PRKCH: variants seen among roughly 807,000 people sequenced by gnomAD.
PRKCH encodes the protein protein kinase C eta.
PRKCH carries 28 observed loss-of-function variants against 82.5 expected under a neutral mutation model. That is an observed-to-expected ratio of 0.34 (90% confidence interval 0.25 to 0.47). The LOEUF (loss-of-function observed/expected upper bound fraction) is 0.47, where lower values mean the gene tolerates loss of function less well. PRKCH is among the 20% of genes least tolerant of loss of function. The pLI, the probability that PRKCH is intolerant of heterozygous loss-of-function variation, is 1.00. For missense variants in PRKCH, 705 were observed against 881.8 expected (o/e 0.80, Z 2.54); for synonymous variants, 322 against 327.4 (o/e 0.98, Z 0.18).
chr14:61,409,575 C>G (rs1251473715), intron 2 of PRKCH, among the ~76,000 whole-genome samples: 1 of 151,598 alleles, frequency 6.6e-6, no homozygotes, highest in Non-Finnish European at 1.5e-5. Context: ...GTGGTGTGCA[C>G]CTGTATTCCC....
intron 1 of PRKCH, among the ~76,000 whole-genome samples, chr14:61,254,998 T>C (rs2044985370): frequency 2.6e-5 from 4 of 152,196 alleles, no homozygotes; most frequent in Admixed American, 1.3e-4. Flanking sequence ...ATCCCCTGCC[T>C]GGGAAAGCTG....
intron 1 of PRKCH, among the ~76,000 whole-genome samples, chr14:61,201,547 T>C (rs1416648521): frequency 6.6e-6 from 1 of 152,140 alleles, no homozygotes; most frequent in African/African-American, 2.4e-5. Flanking sequence ...ATAAACATTA[T>C]CAACCTTGAT....
chr14:61,509,740 TAAATAA>T (rs1887295653), intron 10 of PRKCH, among the ~76,000 whole-genome samples: 1 of 151,492 alleles, frequency 6.6e-6, no homozygotes, highest in African/African-American at 2.4e-5. Context: ...CAAAAATAAA[TAAATAA>T]AAATAAAATA....
At chr14:61,425,499 C>T (rs1453653869) in intron 2 of PRKCH, among the ~76,000 whole-genome samples, 1 of 152,158 alleles carries the variant, frequency 6.6e-6, no homozygotes, top group Non-Finnish European at 1.5e-5. Flanking sequence ...TTTGTTTTGG[C>T]CAATTTATCC....
Position 61,549,778 on chromosome 14 carries a change from A to C in PRKCH, c.1999A>C (p.Asn667His). Residue 667 changes from asparagine (N) to histidine (H), a missense_variant, in exon 14 of 14, where the codon AAC (asparagine) becomes CAC (histidine). Asn to His is a moderately conservative substitution (Grantham distance 68). Coordinates refer to ENST00000332981, the MANE Select transcript of PRKCH (RefSeq NM_006255.5). ...TGATGAGGGACATCTTCCAATGATT[A>C]ACCAGGATGAGTTTAGAAACTTTTC... The part of the protein sequence containing the change: ...PIDEGHLPMI[N>H]QDEFRNFSYV... The C allele has an allele frequency of 6.2e-7, 1 of 1,614,108 alleles. No homozygotes were observed. Among genetic ancestry groups the C allele is most frequent in the East Asian group, 2.2e-5 (1 of 44,888 alleles).
intron 10 of PRKCH, among the ~76,000 whole-genome samples, chr14:61,487,208 A>G (rs189147206): frequency 6.6e-6 from 1 of 152,080 alleles, no homozygotes; most frequent in Admixed American, 6.6e-5. Context: ...TCAACTCCAT[A>G]CAGTGCATTT....
chr14:61,201,005 A>T (rs2044477047), intron 1 of PRKCH, among the ~76,000 whole-genome samples: 1 of 152,168 alleles, frequency 6.6e-6, no homozygotes, highest in Admixed American at 6.5e-5. Context: ...AAAATACAAA[A>T]AATCATGGTT....
intron 1 of PRKCH, among the ~76,000 whole-genome samples, chr14:61,234,400 A>T (rs1204813733): frequency 1.3e-5 from 2 of 152,096 alleles, no homozygotes; most frequent in African/African-American, 4.8e-5. Flanking sequence ...CTTGGTAAGA[A>T]TTGCATAGTC....
intron 2 of PRKCH, among the ~76,000 whole-genome samples, chr14:61,419,542 A>G (rs1882724964): frequency 6.6e-6 from 1 of 152,224 alleles, no homozygotes; most frequent in South Asian, 2.1e-4. Flanking sequence ...TCCACTGGGG[A>G]GCAAGATCAC....
chr14:61,487,194 G>A (rs1886262728), intron 10 of PRKCH, among the ~76,000 whole-genome samples: 1 of 152,052 alleles, frequency 6.6e-6, no homozygotes, highest in Admixed American at 6.6e-5. Flanking sequence ...AGATCCCCTA[G>A]ACCTCAACTC....
chr14:61,272,344 CTTTTTTTTTTTTTTTT>C (rs1162331604), intron 1 of PRKCH, among the ~76,000 whole-genome samples: 3 of 23,582 alleles, frequency 1.3e-4, no homozygotes, highest in African/African-American at 2.6e-4. Flanking sequence ...TTTTTTCTTT[CTTTTTTTTTTTTTTTT>C]TTTTTTTTTT....
intron 1 of PRKCH, among the ~76,000 whole-genome samples, chr14:61,369,493 T>G (rs2046339393): frequency 6.6e-6 from 1 of 152,150 alleles, no homozygotes; most frequent in East Asian, 1.9e-4. Context: ...CAGATTCAAA[T>G]TTGTAGCTCA....
intron 1 of PRKCH, among the ~76,000 whole-genome samples, chr14:61,371,153 A>G (rs947117616): frequency 2.2e-4 from 34 of 152,038 alleles, no homozygotes; most frequent in African/African-American, 8.0e-4. Context: ...ATTTAAAAGC[A>G]TTTTCTTGAA....
At chr14:61,391,599 C>CTTTAT (rs1555382644) in intron 2 of PRKCH, among the ~76,000 whole-genome samples, 86 of 152,064 alleles carry the variant, frequency 5.7e-4, no homozygotes, top group African/African-American at 1.9e-3. Context: ...TGGAACTCTA[C>CTTTAT]GTCTTTGGTT....
chr14:61,218,376 C>T (rs571928474), intron 1 of PRKCH, among the ~76,000 whole-genome samples: 1 of 152,320 alleles, frequency 6.6e-6, no homozygotes, highest in South Asian at 2.1e-4. Flanking sequence ...GGAAGCATGA[C>T]TGAGCTACCC....
At chr14:61,421,434 G>A (rs2140245946) in intron 2 of PRKCH, among the ~76,000 whole-genome samples, 1 of 152,150 alleles carries the variant, frequency 6.6e-6, no homozygotes, top group African/African-American at 2.4e-5. Context: ...TGTGACTTAG[G>A]CTCTCTCTTG....
At chr14:61,322,780 C>G (rs887762677) in intron 1 of PRKCH, 5 of 308,414 alleles carry the variant, frequency 1.6e-5, no homozygotes, top group African/African-American at 1.0e-4. Flanking sequence ...CTCCAACTTT[C>G]AGCACGAGAG....
chr14:61,450,960 T>C lies in PRKCH; in HGVS notation c.821T>C (p.Leu274Pro). ...CTCTGGGGAATAATGCGACAAGGAC[T>C]TCAGTGTAAAAGTGAGATGCTGAGG... Reference protein sequence around the residue: ...SLLWGIMRQGLQCKICKMNVH... With the variant: ...SLLWGIMRQGPQCKICKMNVH... The change falls in exon 6 of 14, where the codon CTT becomes CCT. Residue 274 changes from leucine to proline, a missense_variant. By Grantham distance (98) the Leu-to-Pro change is moderately conservative. This residue lies in a region of PRKCH where 238 missense variants were observed against 258.1 expected (regional missense o/e 0.92). Transcript: ENST00000332981. The C allele has an allele frequency of 6.2e-7, 1 of 1,614,002 alleles. No individual in the cohort carries two copies. Among genetic ancestry groups the C allele is most frequent in the Non-Finnish European group, 8.5e-7 (1 of 1,179,924 alleles).
chr14:61,494,459 G>A (rs1886579536), intron 10 of PRKCH, among the ~76,000 whole-genome samples: 1 of 152,202 alleles, frequency 6.6e-6, no homozygotes. Context: ...AAAGAATGCT[G>A]GACATGGTTT....
Sources: allele counts gnomAD v4.1 joint callset (sites outside exome capture counted in the v4.1 genomes callset), GRCh38; gene constraint gnomAD v4.1.1; regional missense constraint gnomAD v4.1.1; transcripts MANE v1.5; gene names NCBI Gene and HGNC (gene_info 2026-07-23, HGNC 2026-07-21).